Variants in TENM2 observed in about 807,000 individuals in gnomAD.
TENM2 encodes teneurin transmembrane protein 2, also known as teneurin-2.
Under a neutral mutation model 245.2 loss-of-function variants are expected in TENM2, and 52 were observed. The ratio of observed to expected loss-of-function variants is 0.21; its 90% CI spans 0.17 to 0.27. The LOEUF (loss-of-function observed/expected upper bound fraction) is 0.27, where lower values mean the gene tolerates loss of function less well. TENM2 is among the 10% of genes least tolerant of loss of function. The pLI is 1.00. For missense variants in TENM2, 3,046 were observed against 3,666.8 expected (o/e 0.83, Z 4.37); for synonymous variants, 1,363 against 1,438.9 (o/e 0.95, Z 1.19).
intron 5 of TENM2, among the ~76,000 whole-genome samples, chr5:167,994,488 T>A (rs1172036717): frequency 6.6e-6 from 1 of 152,242 alleles, no homozygotes; most frequent in East Asian, 1.9e-4. Flanking sequence ...CAAAGGGGCA[T>A]GACTGTGCAC....
intron 2 of TENM2, among the ~76,000 whole-genome samples, chr5:167,482,715 A>G (rs1767833182): frequency 6.6e-6 from 1 of 152,196 alleles, no homozygotes; most frequent in East Asian, 1.9e-4. Context: ...GAGGCTTTAA[A>G]TCTTAACTGT....
chr5:167,542,457 A>G (rs532572462), intron 2 of TENM2, among the ~76,000 whole-genome samples: 3 of 152,278 alleles, frequency 2.0e-5, no homozygotes, highest in South Asian at 2.1e-4. Context: ...AAAGATACAG[A>G]TAACTAGATT....
At chr5:167,032,162 T>C in the TENM2 span, among the ~76,000 whole-genome samples, 1 of 152,218 alleles carries the variant, frequency 6.6e-6, no homozygotes, top group Non-Finnish European at 1.5e-5. Context: ...CAAGTATAGC[T>C]AATTTCAAGA....
At chr5:167,962,073 G>A (rs1305933918) in intron 4 of TENM2, among the ~76,000 whole-genome samples, 2 of 152,112 alleles carry the variant, frequency 1.3e-5, no homozygotes, top group African/African-American at 4.8e-5. Context: ...ACAAATATCT[G>A]GTAGAGAGGA....
At chr5:167,778,323 G>A (rs1446118902) in intron 2 of TENM2, among the ~76,000 whole-genome samples, 1 of 152,162 alleles carries the variant, frequency 6.6e-6, no homozygotes, top group African/African-American at 2.4e-5. Flanking sequence ...GCCAAGTAGG[G>A]TAGGAACTAA....
rs138178954 is a variant in TENM2, at chr5:167,674,622, C to T, written c.503-201364C>T. 8.5e-5 allele frequency among the ~76,000 whole-genome samples: 13 copies of T among 152,130 alleles called. No individual in the cohort carries two copies. In the South Asian group the frequency reaches 1.5e-3, roughly 17 times the overall value. ...TGCCTTGGACAAGTTATATCATCTCCGTGTGTCTCAATTTCCTCACCTGTC... is the reference window on the plus strand; with the variant it reads ...TGCCTTGGACAAGTTATATCATCTCTGTGTGTCTCAATTTCCTCACCTGTC... On this transcript the variant is annotated intron_variant, in intron 2 of 28. Coordinates refer to ENST00000518659, the Ensembl canonical transcript of TENM2.
In TENM2 at chr5:167,661,151, A is replaced by T. The variant is rs146677444; in HGVS notation, c.503-214835A>T. Among the ~76,000 whole-genome samples the T allele has an allele frequency of 2.7e-3, 418 of 152,312 alleles. 3 individuals carry two copies. Among genetic ancestry groups the T allele is most frequent in the African/African-American group, 8.8e-3 (367 of 41,588 alleles). On this transcript the variant is annotated intron_variant, in intron 2 of 28. Coordinates refer to ENST00000518659, the Ensembl canonical transcript of TENM2. ...GACTGTCCCTGGAATACTAACAATGATGCATTTAAATAGCTTATAGTTATG... is the reference window on the plus strand; with the variant it reads ...GACTGTCCCTGGAATACTAACAATGTTGCATTTAAATAGCTTATAGTTATG...
At chr5:167,916,123 T>C (rs1292317595) in intron 3 of TENM2, among the ~76,000 whole-genome samples, 5 of 152,230 alleles carry the variant, frequency 3.3e-5, no homozygotes, top group African/African-American at 1.2e-4. Flanking sequence ...TCATGGATTA[T>C]CGCATGAGTT....
chr5:167,965,541 C>T (rs1404608728), intron 4 of TENM2: 1 of 151,852 alleles, frequency 6.6e-6, no homozygotes, highest in Non-Finnish European at 1.5e-5. Flanking sequence ...ATGATCACAC[C>T]CCTGCGCTCC....
chr5:167,779,837 C>T (rs1414869664), intron 2 of TENM2, among the ~76,000 whole-genome samples: 1 of 152,166 alleles, frequency 6.6e-6, no homozygotes, highest in African/African-American at 2.4e-5. Flanking sequence ...CCCAGCACAA[C>T]TTTAGAGAAG....
the TENM2 span, among the ~76,000 whole-genome samples, chr5:167,273,757 A>G: frequency 0.19 from 29,424 of 152,102 alleles, 3,662 homozygotes; most frequent in Non-Finnish European, 0.27. Flanking sequence ...TCGCTATACA[A>G]TTGAAAGGGG....
intron 2 of TENM2, among the ~76,000 whole-genome samples, chr5:167,706,478 T>C (rs1398366911): frequency 6.6e-6 from 1 of 151,220 alleles, no homozygotes; most frequent in Non-Finnish European, 1.5e-5. Context: ...TATCTATATC[T>C]ATATATCCAT....
intron 27 of TENM2, among the ~76,000 whole-genome samples, chr5:168,259,386 G>A (rs1347136812): frequency 2.6e-5 from 4 of 152,008 alleles, no homozygotes; most frequent in East Asian, 3.9e-4. Context: ...TCGGGAGTTC[G>A]AAACCAGCCT....
intron 2 of TENM2, among the ~76,000 whole-genome samples, chr5:167,459,079 A>G (rs1766119017): frequency 6.6e-6 from 1 of 152,190 alleles, no homozygotes; most frequent in African/African-American, 2.4e-5. Context: ...CACTGTCACC[A>G]CCATGCATCT....
At chr5:167,558,474 A>C (rs923727324) in intron 2 of TENM2, among the ~76,000 whole-genome samples, 3 of 152,216 alleles carry the variant, frequency 2.0e-5, no homozygotes, top group African/African-American at 7.2e-5. Context: ...ACCCGGCTGC[A>C]TGGCAGGAGT....
intron 2 of TENM2, among the ~76,000 whole-genome samples, chr5:167,404,720 C>T (rs928615604): frequency 6.6e-6 from 1 of 152,138 alleles, no homozygotes; most frequent in Non-Finnish European, 1.5e-5. Flanking sequence ...TCTGCTTCTT[C>T]ATGCCCTGCT....
intron 2 of TENM2, among the ~76,000 whole-genome samples, chr5:167,484,284 A>T (rs1767934621): frequency 6.6e-6 from 1 of 152,126 alleles, no homozygotes. Context: ...TTACCTCAGA[A>T]TATGGCCTCA....
the TENM2 span, among the ~76,000 whole-genome samples, chr5:167,002,337 A>G: frequency 6.6e-6 from 1 of 152,208 alleles, no homozygotes; most frequent in African/African-American, 2.4e-5. Flanking sequence ...CACTATATTT[A>G]AAAGTTTCAT....
intron 12 of TENM2, among the ~76,000 whole-genome samples, chr5:168,162,280 G>A (rs943206296): frequency 1.3e-5 from 2 of 152,150 alleles, no homozygotes; most frequent in Non-Finnish European, 1.5e-5. Flanking sequence ...TCAATCCTGA[G>A]CTATTGGCTG....
Sources: allele counts gnomAD v4.1 joint callset (sites outside exome capture counted in the v4.1 genomes callset), GRCh38; gene constraint gnomAD v4.1.1; transcripts MANE v1.5; gene names NCBI Gene and HGNC (gene_info 2026-07-23, HGNC 2026-07-21).